The following VPS13B variants were observed in gnomAD, a reference collection of about 807,000 sequenced individuals.
The protein encoded by VPS13B is vacuolar protein sorting 13 homolog B, also known as intermembrane lipid transfer protein VPS13B.
In VPS13B, 285 loss-of-function variants were observed where a neutral mutation model predicts 426.4. The ratio of observed to expected loss-of-function variants is 0.67; its 90% CI spans 0.61 to 0.74. VPS13B has a LOEUF of 0.74. VPS13B is among the 30% of genes least tolerant of loss of function. The pLI is 0.00. For missense variants in VPS13B, 4,537 were observed against 4,782.6 expected (o/e 0.95, Z 1.51); for synonymous variants, 1,676 against 1,676.4 (o/e 1.00, Z 0.01).
chr8:99,778,063 CTACTAAAAA>C (rs1274697660), intron 41 of VPS13B, among the ~76,000 whole-genome samples: 5 of 151,922 alleles, frequency 3.3e-5, no homozygotes, highest in African/African-American at 1.2e-4. Context: ...AACCCCATCT[CTACTAAAAA>C]TACAAAAAAA....
chr8:99,730,080 G>A (rs1177812674), intron 39 of VPS13B, among the ~76,000 whole-genome samples: 1 of 152,168 alleles, frequency 6.6e-6, no homozygotes, highest in Non-Finnish European at 1.5e-5. Flanking sequence ...TTTCTTTTCA[G>A]CTGGGTTGGG....
rs75958054 is a variant in VPS13B at position 99,595,040 on chromosome 8, A to G, written c.5220+17407A>G. On this transcript the variant is annotated intron_variant, in intron 33 of 61. Transcript: ENST00000357162. ...TGAAAGACACTTGCATTTTCTCCTC[A>G]AAGATTCATTATTCCCAGTGTTTCT... Among the ~76,000 whole-genome samples, 1,333 of 152,066 alleles carry G rather than the reference A, an allele frequency of 8.8e-3. 25 individuals are homozygous for G. Among genetic ancestry groups the G allele is most frequent in the African/African-American group, 0.03 (1,256 of 41,500 alleles).
intron 54 of VPS13B, among the ~76,000 whole-genome samples, chr8:99,841,341 C>G (rs1323497706): frequency 6.6e-6 from 1 of 152,294 alleles, no homozygotes; most frequent in African/African-American, 2.4e-5. Flanking sequence ...CTAGACATGT[C>G]AGCCTGAAAA....
At chr8:99,696,822 G>A in intron 35 of VPS13B, 4 of 1,319,452 alleles carry the variant, frequency 3.0e-6, no homozygotes, top group Admixed American at 1.7e-5. Context: ...AACCTGTCAC[G>A]GCCGCAGCTG....
intron 17 of VPS13B, among the ~76,000 whole-genome samples, chr8:99,198,738 T>C (rs979912044): frequency 6.6e-6 from 1 of 152,176 alleles, no homozygotes; most frequent in Non-Finnish European, 1.5e-5. Context: ...ATTTTATTTT[T>C]ATCAAATGGA....
At chr8:99,268,922 G>A (rs188515056) in intron 17 of VPS13B, among the ~76,000 whole-genome samples, 175 of 152,252 alleles carry the variant, frequency 1.1e-3, no homozygotes, top group African/African-American at 3.7e-3. Context: ...GGATCATGGA[G>A]GTGGTTACCC....
At chr8:99,823,003 C>A (rs774993748) in intron 50 of VPS13B, among the ~76,000 whole-genome samples, 1 of 152,128 alleles carries the variant, frequency 6.6e-6, no homozygotes, top group Non-Finnish European at 1.5e-5. Context: ...CCCAGACCAC[C>A]CTTTGAAAAC....
intron 19 of VPS13B, among the ~76,000 whole-genome samples, chr8:99,312,104 G>C (rs967773820): frequency 3.9e-5 from 6 of 152,196 alleles, no homozygotes; most frequent in African/African-American, 1.4e-4. Flanking sequence ...ACAGCACACT[G>C]ATGGGACTTG....
Position 99,853,631 on chromosome 8 carries a change from G to C in VPS13B, c.10242G>C (p.Leu3414Phe). 3 of 1,614,170 alleles carry C rather than the reference G, an allele frequency of 1.9e-6. No individual in the cohort carries two copies. Among genetic ancestry groups the C allele is most frequent in the Non-Finnish European group, 2.5e-6 (3 of 1,180,018 alleles). The change falls in exon 56 of 62, where the codon TTG becomes TTC. Residue 3414 changes from leucine to phenylalanine, a missense_variant. Transcript: ENST00000357162. ...PLPGEEPVAALFELYCVEICC... is the reference protein window; with the variant it reads ...PLPGEEPVAAFFELYCVEICC... ...CTGGGGAAGAGCCTGTGGCTGCGTT[G>C]TTTGAACTTTACTGTGTGGAGATCT...
At chr8:99,122,088 G>C (rs1588061844) in intron 8 of VPS13B, among the ~76,000 whole-genome samples, 1 of 150,852 alleles carries the variant, frequency 6.6e-6, no homozygotes, top group East Asian at 2.0e-4. Context: ...CTCGCTCCTA[G>C]GCTCAAGCGT....
intron 31 of VPS13B, 96 bp from the exon 32 acceptor site, chr8:99,575,562 C>T (rs1825737111): frequency 6.8e-7 from 1 of 1,461,204 alleles, no homozygotes; most frequent in African/African-American, 1.4e-5. Flanking sequence ...TGTAATTTTG[C>T]CATACATGTT....
chr8:99,233,609 C>G (rs543435115), intron 17 of VPS13B: 29 of 1,195,654 alleles, frequency 2.4e-5, no homozygotes, highest in Admixed American at 8.4e-5. Context: ...AAAGGCCTCA[C>G]GCAGCTTCTT....
At chr8:99,082,624 GA>G (rs1845548455) in intron 3 of VPS13B, among the ~76,000 whole-genome samples, 3 of 152,120 alleles carry the variant, frequency 2.0e-5, no homozygotes, top group Non-Finnish European at 4.4e-5. Flanking sequence ...TAATCATCTT[GA>G]ATTAATTTTT....
At chr8:99,091,698 C>T (rs867656171) in intron 3 of VPS13B, 1 of 152,144 alleles carries the variant, frequency 6.6e-6, no homozygotes. Context: ...ATTTAGCTTT[C>T]TGTCTTTGAA....
chr8:99,312,963 C>T (rs960130383), intron 19 of VPS13B, among the ~76,000 whole-genome samples: 8 of 152,190 alleles, frequency 5.3e-5, no homozygotes, highest in Non-Finnish European at 2.9e-5. Context: ...ATCGAATCGG[C>T]TAAGGAAGGT....
At chr8:99,504,762 T>G (rs1199509842) in intron 27 of VPS13B, among the ~76,000 whole-genome samples, 5 of 152,198 alleles carry the variant, frequency 3.3e-5, no homozygotes, top group African/African-American at 1.2e-4. Context: ...ATGAGCATTA[T>G]CTTCAACTTC....
chr8:99,414,734 C>T (rs748420007), intron 21 of VPS13B, among the ~76,000 whole-genome samples: 8 of 152,100 alleles, frequency 5.3e-5, no homozygotes, highest in East Asian at 1.9e-4. Context: ...TTGAGAATGT[C>T]GAATATTGGC....
At chr8:99,848,961 A>T in intron 55 of VPS13B, 67 bp downstream of exon 55, 1 of 1,428,258 alleles carries the variant, frequency 7.0e-7, no homozygotes, top group Non-Finnish European at 9.9e-7. Flanking sequence ...TAAACTTAGT[A>T]TTTATCTTTG....
chr8:99,455,089 G>T (rs927843951), intron 23 of VPS13B, among the ~76,000 whole-genome samples: 1 of 151,964 alleles, frequency 6.6e-6, no homozygotes, highest in African/African-American at 2.4e-5. Flanking sequence ...GTTTTTGTTT[G>T]CAGAAATTTT....
Sources: allele counts gnomAD v4.1 joint callset (sites outside exome capture counted in the v4.1 genomes callset), GRCh38; gene constraint gnomAD v4.1.1; transcripts MANE v1.5; gene names NCBI Gene and HGNC (gene_info 2026-07-23, HGNC 2026-07-21).